Variants in ANXA6 observed in about 807,000 individuals in gnomAD.
ANXA6 encodes 67 kDa calelectrin.
A neutral mutation model predicts 95.4 loss-of-function variants in ANXA6; 71 were observed. The ratio of observed to expected loss-of-function variants is 0.74; its 90% CI spans 0.61 to 0.91. The LOEUF (loss-of-function observed/expected upper bound fraction) is 0.91, where lower values mean the gene tolerates loss of function less well. ANXA6 is among the 40% of genes least tolerant of loss of function. The pLI, the probability that ANXA6 is intolerant of heterozygous loss-of-function variation, is 0.00. For synonymous variants in ANXA6, 289 were observed against 315.9 expected (o/e 0.91, Z 0.90); for missense variants, 830 against 876.4 (o/e 0.95, Z 0.67).
rs1202271194 is a variant in ANXA6, at chr5:151,100,851, A to AAAT, written c.*594_*596dup. On this transcript the variant is annotated 3_prime_UTR_variant, in exon 26 of 26. Transcript: ENST00000354546. ...TCCAACTGTCTCATTGTAGATAAGA[A>AAAT]AATAGAGACTCAGGGAGGGAAAGGG... 2.2e-6 allele frequency: 1 copy of AAAT among 454,756 alleles called. No individual in the cohort carries two copies. Among genetic ancestry groups the AAAT allele is most frequent in the Non-Finnish European group, 4.4e-6 (1 of 226,920 alleles). 28.2% of individuals were successfully genotyped at this position (454,756 alleles called of 1,614,324 possible).
At chr5:151,119,262 G>A (rs1037025983) in intron 18 of ANXA6, 38 bp downstream of exon 18, 4 of 1,564,290 alleles carry the variant, frequency 2.6e-6, no homozygotes, top group South Asian at 1.1e-5. Context: ...GGGCCTGGCT[G>A]TTCTCCCAGC....
rs1766013590 is a variant in ANXA6 at position 151,147,974 on chromosome 5, T to A, written c.-25-48A>T. On this transcript the variant is annotated intron_variant, in intron 1 of 25. Coordinates refer to ENST00000354546, the MANE Select transcript of ANXA6 (RefSeq NM_001155.5). Reference sequence around the variant, plus strand: ...GTGAGATTCCCCCCAACTCTAACCATCCCCTTTCTTTCCCTTACATTTCCT... The same window carrying A: ...GTGAGATTCCCCCCAACTCTAACCAACCCCTTTCTTTCCCTTACATTTCCT... 5 of 1,525,070 alleles carry A rather than the reference T, an allele frequency of 3.3e-6. No individual in the cohort carries two copies. In the East Asian group the frequency reaches 1.2e-4, roughly 36 times the overall value. The allele number at this position is 1,525,070 out of a possible 1,614,324, so 94.5% of individuals were successfully genotyped here.
chr5:151,102,284 C>T (rs2113886434), intron 25 of ANXA6, among the ~76,000 whole-genome samples: 1 of 152,060 alleles, frequency 6.6e-6, no homozygotes, highest in Admixed American at 6.5e-5. Flanking sequence ...TACTTACATT[C>T]CTACTAAGTC....
intron 22 of ANXA6, among the ~76,000 whole-genome samples, chr5:151,109,142 A>C (rs954998709): frequency 1.3e-5 from 2 of 151,890 alleles, no homozygotes; most frequent in African/African-American, 4.8e-5. Context: ...TGGGGGATTC[A>C]AATCAAGGCC....
At chr5:151,119,478 C>A in intron 17 of ANXA6, 88 bp from the exon 18 acceptor site, 1 of 1,150,108 alleles carries the variant, frequency 8.7e-7, no homozygotes, top group Non-Finnish European at 1.3e-6. Flanking sequence ...AAGCTCAGGC[C>A]AAGCATTCCT....
chr5:151,141,489 A>T, intron 2 of ANXA6: 1 of 984,802 alleles, frequency 1.0e-6, no homozygotes, highest in African/African-American at 1.7e-5. Context: ...ATCAGGAAAG[A>T]ATCCAAAAAA....
At chr5:151,153,010 CT>C (rs1290381174) in intron 1 of ANXA6, among the ~76,000 whole-genome samples, 17 of 152,142 alleles carry the variant, frequency 1.1e-4, no homozygotes. Flanking sequence ...ACCCAGACCT[CT>C]GCCTCAGGGG....
chr5:151,150,193 A>G (rs545961545), intron 1 of ANXA6, among the ~76,000 whole-genome samples: 1 of 152,098 alleles, frequency 6.6e-6, no homozygotes, highest in Non-Finnish European at 1.5e-5. Context: ...CAGAACTAGG[A>G]GAGTAGAAAT....
chr5:151,146,311 A>C lies in ANXA6; in HGVS notation c.18+1573T>G, dbSNP rs761930834. On this transcript the variant is annotated intron_variant, in intron 2 of 25. Coordinates refer to ENST00000354546, the MANE Select transcript of ANXA6 (RefSeq NM_001155.5). The stretch of plus-strand genomic sequence containing the variant: ...TGACTACACATAGGAAATGGGGAAC[A>C]GTGAAAGTTCCACCTTGGATTTTTG... Among the ~76,000 whole-genome samples, 5 of 152,352 alleles carry C rather than the reference A, an allele frequency of 3.3e-5. No individual in the cohort carries two copies. In the South Asian group the frequency reaches 8.3e-4, roughly 25 times the overall value.
intron 2 of ANXA6, among the ~76,000 whole-genome samples, chr5:151,143,691 G>A (rs111840271): frequency 0.013 from 1,918 of 152,216 alleles, 41 homozygotes; most frequent in African/African-American, 0.044. Context: ...GGGAGGGCAG[G>A]GACTGTGTCT....
intron 13 of ANXA6, 70 bp downstream of exon 13, chr5:151,128,111 C>A (rs983229286): frequency 2.8e-5 from 37 of 1,344,284 alleles, no homozygotes; most frequent in Non-Finnish European, 3.7e-5. Context: ...CATCAGGATG[C>A]GAGCCAGGAG....
chr5:151,101,300 A>C lies in ANXA6; in HGVS notation c.*148T>G. On this transcript the variant is annotated 3_prime_UTR_variant, in exon 26 of 26. Transcript: ENST00000354546. Reference sequence around the variant, plus strand: ...GCCCGTGGGAGTGGGAGCGTTTCCTAAGCTCCACTGAAGATAAGAGCCCAA... The same window carrying C: ...GCCCGTGGGAGTGGGAGCGTTTCCTCAGCTCCACTGAAGATAAGAGCCCAA... The C allele has an allele frequency of 2.5e-5, 17 of 689,420 alleles. No individual in the cohort carries two copies. The highest frequency in any genetic ancestry group is 3.6e-5 in the Non-Finnish European group (14 of 393,062). The allele number at this position is 689,420 out of a possible 1,614,324, so 42.7% of individuals were successfully genotyped here.
intron 3 of ANXA6, 110 bp downstream of exon 3, chr5:151,140,043 A>G: frequency 6.4e-6 from 5 of 785,616 alleles, no homozygotes; most frequent in Non-Finnish European, 9.8e-6. Flanking sequence ...AAAAAAATGA[A>G]TAAGTGCACT....
chr5:151,127,615 C>T (rs1382331724), intron 13 of ANXA6, among the ~76,000 whole-genome samples: 2 of 152,164 alleles, frequency 1.3e-5, no homozygotes, highest in East Asian at 1.9e-4. Flanking sequence ...AAAGAGTCTC[C>T]CCTTGGTCTG....
In ANXA6 at chr5:151,141,746, C is replaced by A. The variant is rs1051878140; in HGVS notation, c.19-1503G>T. 3.1e-6 allele frequency: 3 copies of A among 983,004 alleles called. No individual in the cohort carries two copies. In the African/African-American group the frequency reaches 5.2e-5, roughly 17 times the overall value. 60.9% of individuals were successfully genotyped at this position (983,004 alleles called of 1,614,324 possible). A position where few individuals can be genotyped will look rare whatever the true frequency, so the allele number is the denominator to read the frequency against. ...ACCAGAAAGGAACACAGCTCTCTTC[C>A]TGCCACCTGGGAATCCCCTGCAACC... On this transcript the variant is annotated intron_variant, in intron 2 of 25. Coordinates refer to ENST00000354546, the MANE Select transcript of ANXA6 (RefSeq NM_001155.5).
chr5:151,136,889 C>T (rs1256208553), intron 6 of ANXA6, among the ~76,000 whole-genome samples: 2 of 152,222 alleles, frequency 1.3e-5, no homozygotes, highest in Non-Finnish European at 2.9e-5. Flanking sequence ...CTCCCAAGAC[C>T]TCACTGGTAA....
intron 13 of ANXA6, 29 bp from the exon 14 acceptor site, chr5:151,126,509 A>G (rs1765320928): frequency 4.4e-6 from 7 of 1,575,304 alleles, no homozygotes; most frequent in Non-Finnish European, 6.1e-6. Flanking sequence ...GGGAGAGGAC[A>G]GGAAGGAATG....
At chr5:151,143,792 T>G (rs1344785914) in intron 2 of ANXA6, among the ~76,000 whole-genome samples, 1 of 152,058 alleles carries the variant, frequency 6.6e-6, no homozygotes, top group African/African-American at 2.4e-5. Context: ...GATGGATGAA[T>G]GACTGCGAAT....
intron 16 of ANXA6, 91 bp from the exon 17 acceptor site, chr5:151,122,351 C>T (rs546213931): frequency 5.7e-6 from 4 of 700,030 alleles, no homozygotes; most frequent in Non-Finnish European, 7.2e-6. Flanking sequence ...AACAGGGGTT[C>T]CACATGAGGG....
Sources: gnomAD v4.1 joint callset for allele counts (sites outside exome capture counted in the v4.1 genomes callset) on GRCh38, gnomAD v4.1.1 for gene constraint, MANE v1.5 for transcripts, NCBI Gene and HGNC (gene_info 2026-07-23, HGNC 2026-07-21) for gene names.